Variants in MAML2 observed in about 807,000 individuals in gnomAD.
MAML2 encodes the protein mastermind-like protein 2.
MAML2 carries 22 observed loss-of-function variants against 96.1 expected under a neutral mutation model. The ratio of observed to expected loss-of-function variants is 0.23; its 90% CI spans 0.16 to 0.33. The LOEUF is 0.33. MAML2 is among the 10% of genes least tolerant of loss of function. MAML2 has a pLI of 1.00. For synonymous variants in MAML2, 561 were observed against 521.3 expected, an observed-to-expected ratio of 1.08 and a Z score of -1.04; for missense variants, 1,367 against 1,392.4, an observed-to-expected ratio of 0.98 and a Z score of 0.29.
chr11:96,279,514 G>T (rs1299608871), intron 1 of MAML2, among the ~76,000 whole-genome samples: 3 of 152,136 alleles, frequency 2.0e-5, no homozygotes, highest in Non-Finnish European at 4.4e-5. Context: ...TGTAAGGGAA[G>T]ATACAGGAGA....
chr11:95,994,577 G>A (rs1406446195), intron 2 of MAML2, among the ~76,000 whole-genome samples: 1 of 152,118 alleles, frequency 6.6e-6, no homozygotes, highest in Non-Finnish European at 1.5e-5. Flanking sequence ...GTGACAGGGG[G>A]AAAGAGGCAG....
chr11:95,984,813 A>G (rs1298618568), intron 4 of MAML2, among the ~76,000 whole-genome samples: 1 of 152,188 alleles, frequency 6.6e-6, no homozygotes, highest in Non-Finnish European at 1.5e-5. Flanking sequence ...CGTAAACTTA[A>G]CTTACATCAA....
In MAML2 at chr11:95,978,087, T is replaced by G; in HGVS notation, c.*861A>C. 4.6e-6 allele frequency: 1 copy of G among 217,566 alleles called. No individual in the cohort carries two copies. The highest frequency in any genetic ancestry group is 9.2e-6 in the Non-Finnish European group (1 of 108,190). 13.5% of individuals were successfully genotyped at this position (217,566 alleles called of 1,614,324 possible). On this transcript the variant is annotated 3_prime_UTR_variant, in exon 5 of 5. Coordinates refer to ENST00000524717, the MANE Select transcript of MAML2 (RefSeq NM_032427.4). The stretch of plus-strand genomic sequence containing the variant: ...CAGGCATCAATCATAATAAGCAACA[T>G]CCCAGGTTATTTGTAGCCAAATAAA...
chr11:96,215,231 AT>A (rs1391096264), intron 1 of MAML2, among the ~76,000 whole-genome samples: 3 of 152,244 alleles, frequency 2.0e-5, no homozygotes, highest in African/African-American at 7.2e-5. Flanking sequence ...GAAATAAATC[AT>A]CTGAGTGGAC....
rs532295705 is a variant in MAML2 at position 96,233,796 on chromosome 11, C to T, written c.513+107587G>A. Among the ~76,000 whole-genome samples the T allele has an allele frequency of 2.0e-5, 3 of 152,254 alleles. 1 individual carries two copies. In the South Asian group the frequency reaches 6.2e-4, roughly 32 times the overall value. On this transcript the variant is annotated intron_variant, in intron 1 of 4. Coordinates refer to ENST00000524717, the MANE Select transcript of MAML2 (RefSeq NM_032427.4). ...TCCTAGGCCAGTTGTGATACATCAC[C>T]TCTTTCACCTGCCGTGTAGTTGGTA...
intron 1 of MAML2, among the ~76,000 whole-genome samples, chr11:96,184,532 G>A (rs1415116009): frequency 6.6e-6 from 1 of 151,294 alleles, no homozygotes; most frequent in Non-Finnish European, 1.5e-5. Context: ...ATAATTCAGA[G>A]CCTATGGATT....
intron 1 of MAML2, among the ~76,000 whole-genome samples, chr11:96,275,782 A>G (rs373972525): frequency 6.6e-6 from 1 of 152,218 alleles, no homozygotes; most frequent in African/African-American, 2.4e-5. Context: ...ATCAATAAAA[A>G]TAAAGACTCT....
chr11:96,212,169 C>G (rs1017659752), intron 1 of MAML2, among the ~76,000 whole-genome samples: 1 of 140,660 alleles, frequency 7.1e-6, no homozygotes, highest in Non-Finnish European at 1.5e-5. Context: ...GACTCGTAAT[C>G]TCATTTGTGG....
chr11:96,139,967 G>C (rs1860705430), intron 1 of MAML2, among the ~76,000 whole-genome samples: 1 of 152,194 alleles, frequency 6.6e-6, no homozygotes, highest in Non-Finnish European at 1.5e-5. Flanking sequence ...ATTGAATTAA[G>C]GAAGCTGCAG....
intron 2 of MAML2, among the ~76,000 whole-genome samples, chr11:96,059,001 G>A (rs2135776349): frequency 6.6e-6 from 1 of 152,326 alleles, no homozygotes; most frequent in Middle Eastern, 3.4e-3. Context: ...AGAATTGCTT[G>A]AACCCGGGAG....
rs149737458 is a variant in MAML2, at chr11:96,164,934, T to A, written c.514-71417A>T. Among the ~76,000 whole-genome samples the A allele has an allele frequency of 4.4e-3, 677 of 152,302 alleles. 4 individuals are homozygous for A. Among genetic ancestry groups the A allele is most frequent in the Middle Eastern group, 0.01 (3 of 294 alleles). ...CAATATATTTCCATAAATGTCTTAG[T>A]GGCCAGAACTTTCAAGGGCAAGAAC... On this transcript the variant is annotated intron_variant, in intron 1 of 4. Coordinates refer to ENST00000524717, the MANE Select transcript of MAML2 (RefSeq NM_032427.4).
At chr11:96,099,246 T>A (rs1232761967) in intron 1 of MAML2, among the ~76,000 whole-genome samples, 3 of 152,172 alleles carry the variant, frequency 2.0e-5, no homozygotes, top group African/African-American at 7.2e-5. Context: ...AAGAGACCAA[T>A]CCGAAAGCTA....
At chr11:96,144,943 T>A (rs1019682291) in intron 1 of MAML2, among the ~76,000 whole-genome samples, 1 of 152,202 alleles carries the variant, frequency 6.6e-6, no homozygotes, top group African/African-American at 2.4e-5. Context: ...CAACTTCCAA[T>A]GCATTGGATT....
chr11:96,263,139 C>A (rs1862775200), intron 1 of MAML2, among the ~76,000 whole-genome samples: 1 of 152,208 alleles, frequency 6.6e-6, no homozygotes, highest in South Asian at 2.1e-4. Flanking sequence ...CTCACCATAG[C>A]ATTTGGTATA....
intron 2 of MAML2, among the ~76,000 whole-genome samples, chr11:96,006,414 T>C (rs1858178251): frequency 6.6e-6 from 1 of 152,154 alleles, no homozygotes; most frequent in Non-Finnish European, 1.5e-5. Context: ...TTTTTTTTGG[T>C]CTGATTATTT....
intron 2 of MAML2, among the ~76,000 whole-genome samples, chr11:96,011,136 C>T (rs962991567): frequency 1.3e-5 from 2 of 152,162 alleles, no homozygotes; most frequent in East Asian, 3.9e-4. Context: ...AATTGTAGTT[C>T]AGCCACTGTG....
intron 1 of MAML2, among the ~76,000 whole-genome samples, chr11:96,173,066 C>T (rs577860018): frequency 1.3e-5 from 2 of 152,284 alleles, no homozygotes; most frequent in South Asian, 4.1e-4. Context: ...ATTTACAAGC[C>T]ATCTCTTGCC....
At chr11:96,174,853 C>T (rs1861357961) in intron 1 of MAML2, among the ~76,000 whole-genome samples, 1 of 152,242 alleles carries the variant, frequency 6.6e-6, no homozygotes, top group Non-Finnish European at 1.5e-5. Context: ...AAATCTCTTG[C>T]CACTATTTCC....
intron 1 of MAML2, among the ~76,000 whole-genome samples, chr11:96,101,660 C>CT (rs1291239448): frequency 6.6e-6 from 1 of 152,168 alleles, no homozygotes; most frequent in Non-Finnish European, 1.5e-5. Flanking sequence ...AAAGCACCAG[C>CT]ATTATTCCAA....
Sources: gnomAD v4.1 joint callset for allele counts (sites outside exome capture counted in the v4.1 genomes callset) on GRCh38, gnomAD v4.1.1 for gene constraint, MANE v1.5 for transcripts, NCBI Gene and HGNC (gene_info 2026-07-23, HGNC 2026-07-21) for gene names.